CRB1: variants seen among roughly 807,000 people sequenced by gnomAD.
The protein encoded by CRB1 is protein crumbs homolog 1.
In CRB1, 83 loss-of-function variants were observed where a neutral mutation model predicts 120.0. The observed-to-expected ratio is 0.69, with a 90% CI of 0.58 to 0.83. The LOEUF is 0.83. CRB1 is among the 40% of genes least tolerant of loss of function. The pLI is 0.00. For synonymous variants in CRB1, 625 were observed against 612.5 expected (o/e 1.02, Z -0.30); for missense variants, 1,699 against 1,687.6 (o/e 1.01, Z -0.12).
intron 11 of CRB1, among the ~76,000 whole-genome samples, chr1:197,462,902 T>G (rs1461327150): frequency 1.4e-5 from 2 of 144,096 alleles, no homozygotes; most frequent in African/African-American, 5.1e-5. Context: ...TTTTTTTTTC[T>G]TCACCATTAA....
Position 197,328,866 on chromosome 1 carries a change from G to C in CRB1, c.515G>C (p.Cys172Ser), listed in dbSNP as rs756931963. Residue 172 changes from cysteine (C) to serine (S), a missense_variant, in exon 2 of 12, where the codon TGC becomes TCC. Cys to Ser is a moderately radical substitution (Grantham distance 112, BLOSUM62 -1). Transcript: ENST00000367400. The stretch of plus-strand genomic sequence containing the variant: ...CAGGATGGAATTGATGGTTACTCCT[G>C]CTTCTGTGTCCCAGGATATCAAGGC... ...VCQDGIDGYS[C>S]FCVPGYQGRH... The C allele has an allele frequency of 6.2e-7, 1 of 1,614,210 alleles. No individual in the cohort carries two copies. Among genetic ancestry groups the C allele is most frequent in the South Asian group, 1.1e-5 (1 of 91,074 alleles).
At chr1:197,332,346 GCTTT>G (rs1658909668) in intron 2 of CRB1, among the ~76,000 whole-genome samples, 1 of 152,056 alleles carries the variant, frequency 6.6e-6, no homozygotes, top group South Asian at 2.1e-4. Context: ...CAATGAGGAT[GCTTT>G]CCTTGTCAAT....
intron 10 of CRB1, chr1:197,441,657 T>TTG (rs1665441105): frequency 9.8e-6 from 1 of 102,188 alleles, no homozygotes; most frequent in South Asian, 3.9e-4. Flanking sequence ...CCTTCCCTCC[T>TTG]TCTTTTTTTT....
upstream of CRB1, among the ~76,000 whole-genome samples, chr1:197,267,110 C>G (rs1244463525): frequency 6.6e-6 from 1 of 152,150 alleles, no homozygotes; most frequent in Non-Finnish European, 1.5e-5. Flanking sequence ...TGACTCTGGG[C>G]ACACAGAATA....
chr1:197,276,393 T>TATTTATCCAATA (rs1485346765), intron 1 of CRB1, among the ~76,000 whole-genome samples: 1 of 151,808 alleles, frequency 6.6e-6, no homozygotes, highest in Non-Finnish European at 1.5e-5. Flanking sequence ...TTTATTTACT[T>TATTTATCCAATA]ATTTATCCAA....
At position 197,356,987 on chromosome 1, in the gene CRB1, T is replaced by C. The variant is rs751072820; in HGVS notation, c.1145T>C (p.Val382Ala). ...SFSYHEASGY[V>A]CICQPGFTGI... ...AGCTACCATGAAGCCTCAGGTTATG[T>C]CTGTATCTGTCAGCCTGGATTCACA... Residue 382 changes from valine (V) to alanine (A), a missense_variant, in exon 5 of 12, where the codon GTC becomes GCC. Val to Ala is a moderately conservative substitution (Grantham distance 64, BLOSUM62 0). Transcript: ENST00000367400. The C allele has an allele frequency of 1.5e-5, 25 of 1,614,086 alleles. No homozygotes were observed. Among genetic ancestry groups the C allele is most frequent in the Non-Finnish European group, 1.8e-5 (21 of 1,180,038 alleles).
At chr1:197,238,149 C>T in the CRB1 span, among the ~76,000 whole-genome samples, 2 of 152,046 alleles carry the variant, frequency 1.3e-5, no homozygotes, top group African/African-American at 4.8e-5. Context: ...AGGGTTAGGA[C>T]ATTTTTCTGT....
chr1:197,221,288 C>T, the CRB1 span, among the ~76,000 whole-genome samples: 40 of 152,120 alleles, frequency 2.6e-4, no homozygotes, highest in Non-Finnish European at 2.6e-4. Context: ...TCATAAGAAA[C>T]GGGAAGATAA....
chr1:197,435,169 C>A lies in CRB1; in HGVS notation c.3306C>A (p.Ile1102=), dbSNP rs374786358. 6.2e-7 allele frequency: 1 copy of A among 1,613,856 alleles called. No individual in the cohort carries two copies. Among genetic ancestry groups the A allele is most frequent in the Non-Finnish European group, 8.5e-7 (1 of 1,179,844 alleles). Reference sequence around the variant, plus strand: ...AAGGGTGTCTAAGTACAATAGAAATCGGAGGCATTTATCTCTCTTACTTTG... The same window carrying A: ...AAGGGTGTCTAAGTACAATAGAAATAGGAGGCATTTATCTCTCTTACTTTG... ...GLQGCLSTIE[I]GGIYLSYFEN... is the part of the protein sequence containing the mutation. Residue 1102 remains isoleucine (I), a synonymous_variant, in exon 9 of 12, where the codon ATC becomes ATA. Transcript: ENST00000367400.
At chr1:197,350,749 A>G (rs999675581) in intron 4 of CRB1, among the ~76,000 whole-genome samples, 3 of 152,194 alleles carry the variant, frequency 2.0e-5, no homozygotes, top group African/African-American at 7.2e-5. Flanking sequence ...ACCATTTTAG[A>G]TAAGCTAAAG....
At chr1:197,219,661 C>T in the CRB1 span, among the ~76,000 whole-genome samples, 1 of 152,228 alleles carries the variant, frequency 6.6e-6, no homozygotes, top group African/African-American at 2.4e-5. Flanking sequence ...TCACATTACT[C>T]CTCTTAGCTT....
At chr1:197,347,774 G>A (rs1240957070) in intron 4 of CRB1, among the ~76,000 whole-genome samples, 1 of 152,146 alleles carries the variant, frequency 6.6e-6, no homozygotes, top group African/African-American at 2.4e-5. Context: ...TTCACTGGAA[G>A]ATGCTCTTTT....
chr1:197,239,731 C>G, the CRB1 span, among the ~76,000 whole-genome samples: 1 of 148,760 alleles, frequency 6.7e-6, no homozygotes, highest in Non-Finnish European at 1.5e-5. Flanking sequence ...TTTTTGTTTT[C>G]TGTTTGTTTT....
intron 5 of CRB1, among the ~76,000 whole-genome samples, chr1:197,412,043 C>A (rs543611760): frequency 1.3e-5 from 2 of 152,296 alleles, no homozygotes; most frequent in Admixed American, 1.3e-4. Flanking sequence ...CATGACCCAG[C>A]TGTAAAGGAG....
chr1:197,370,850 A>C (rs1323292846), intron 5 of CRB1, among the ~76,000 whole-genome samples: 1 of 152,084 alleles, frequency 6.6e-6, no homozygotes, highest in East Asian at 1.9e-4. Context: ...CATTTTGAGG[A>C]TTTCAGCATC....
Position 197,478,096 on chromosome 1 carries a change from G to T in CRB1, c.*217G>T. 1.7e-6 allele frequency: 1 copy of T among 579,938 alleles called. No homozygotes were observed. The highest frequency in any genetic ancestry group is 3.1e-6 in the Non-Finnish European group (1 of 326,254). 35.9% of individuals were successfully genotyped at this position (579,938 alleles called of 1,614,324 possible). ...TCAGCCAATTGCAAAAAAAGTCTGT[G>T]CCAGTAATTTCAGCCTTATAATTAG... On this transcript the variant is annotated 3_prime_UTR_variant, in exon 12 of 12. Transcript: ENST00000367400.
In CRB1 at chr1:197,350,803, G is replaced by A. The variant is rs1205490333; in HGVS notation, c.988+3324G>A. On this transcript the variant is annotated intron_variant, in intron 4 of 11. Coordinates refer to ENST00000367400, the MANE Select transcript of CRB1 (RefSeq NM_201253.3). ...TGTATTCACTAGCTGTGTGACTTTG[G>A]ACAAATTACTGCTCTGAGCCTCAGT... is the stretch of plus-strand genomic sequence containing the variant. Among the ~76,000 whole-genome samples, 6 of 152,246 alleles carry A rather than the reference G, an allele frequency of 3.9e-5. No homozygotes were observed. The East Asian group carries it at 1.2e-3, about 29-fold the overall frequency.
At chr1:197,324,483 C>A (rs1292140629) in intron 1 of CRB1, among the ~76,000 whole-genome samples, 2 of 152,128 alleles carry the variant, frequency 1.3e-5, no homozygotes, top group Non-Finnish European at 2.9e-5. Context: ...TGTGTATTAT[C>A]TCTTTTATTC....
Position 197,356,791 on chromosome 1 carries a change from A to T in CRB1, c.989-40A>T, listed in dbSNP as rs780031497. The T allele has an allele frequency of 6.2e-6, 10 of 1,606,264 alleles. No individual in the cohort carries two copies. In the South Asian group the frequency reaches 1.1e-4, roughly 18 times the overall value. ...TTAGGCAAATGCTCTATAATTCAAC[A>T]CCTTTGACTTAGCAGCTTCTCTGAA... On this transcript the variant is annotated intron_variant, in intron 4 of 11. Coordinates refer to ENST00000367400, the MANE Select transcript of CRB1 (RefSeq NM_201253.3).
Sources: gnomAD v4.1 joint callset for allele counts (sites outside exome capture counted in the v4.1 genomes callset) on GRCh38, gnomAD v4.1.1 for gene constraint, MANE v1.5 for transcripts, NCBI Gene and HGNC (gene_info 2026-07-23, HGNC 2026-07-21) for gene names.